SCAPER: variants seen among roughly 807,000 people sequenced by gnomAD.
SCAPER encodes S phase cyclin A-associated protein in the endoplasmic reticulum.
Under a neutral mutation model 182.2 loss-of-function variants are expected in SCAPER, and 98 were observed. The ratio of observed to expected loss-of-function variants is 0.54; its 90% CI spans 0.46 to 0.64. The LOEUF (loss-of-function observed/expected upper bound fraction) is 0.64, where lower values mean the gene tolerates loss of function less well. SCAPER is among the 30% of genes least tolerant of loss of function. The pLI, the probability that SCAPER is intolerant of heterozygous loss-of-function variation, is 0.00. For missense variants in SCAPER, 1,432 were observed against 1,690.0 expected (o/e 0.85, Z 2.68); for synonymous variants, 605 against 564.6 (o/e 1.07, Z -1.01).
At chr15:76,867,759 C>A (rs1056495811) in intron 2 of SCAPER, among the ~76,000 whole-genome samples, 1 of 152,166 alleles carries the variant, frequency 6.6e-6, no homozygotes, top group African/African-American at 2.4e-5. Context: ...ACTGTATCAG[C>A]CTCCATGACA....
At chr15:76,824,413 T>A (rs1178220133) in intron 5 of SCAPER, among the ~76,000 whole-genome samples, 2 of 152,084 alleles carry the variant, frequency 1.3e-5, no homozygotes, top group African/African-American at 2.4e-5. Context: ...GCCCACGACA[T>A]CAATACAGCC....
chr15:76,864,544 T>G (rs985384978), intron 2 of SCAPER, among the ~76,000 whole-genome samples: 1 of 152,184 alleles, frequency 6.6e-6, no homozygotes, highest in Non-Finnish European at 1.5e-5. Context: ...ATTTTTACTC[T>G]TTTGGGGAAT....
intron 1 of SCAPER, among the ~76,000 whole-genome samples, chr15:76,902,673 C>T (rs2074852339): frequency 6.6e-6 from 1 of 152,138 alleles, no homozygotes; most frequent in African/African-American, 2.4e-5. Context: ...AAATAATACC[C>T]CCACTTTCTA....
At chr15:76,711,446 G>C (rs554356274) in intron 17 of SCAPER, among the ~76,000 whole-genome samples, 12 of 152,228 alleles carry the variant, frequency 7.9e-5, no homozygotes, top group African/African-American at 2.9e-4. Flanking sequence ...CCAGTCATTA[G>C]AGAAATGAAA....
At position 76,701,798 on chromosome 15, in the gene SCAPER, T is replaced by C. The variant is rs771853849; in HGVS notation, c.2468A>G (p.Asn823Ser). ...GRKHQQAVRE[N>S]TSIQGRELSD... ...CAGTTCACGCCCCTGGATGCTGGTA[T>C]TCTCTCTCACGGCTTGCTGGTGTTT... is the stretch of plus-strand genomic sequence containing the variant. The change falls in exon 20 of 32, where the codon AAT (asparagine) becomes AGT (serine). Residue 823 changes from asparagine to serine, a missense_variant. By Grantham distance (46) the Asn-to-Ser change is conservative. This residue lies in a region of SCAPER where 718 missense variants were observed against 799.7 expected (regional missense o/e 0.90). Transcript: ENST00000563290. 1.2e-6 allele frequency: 2 copies of C among 1,613,896 alleles called. No individual in the cohort carries two copies. The highest frequency in any genetic ancestry group is 3.3e-5 in the Admixed American group (2 of 60,022).
intron 23 of SCAPER, among the ~76,000 whole-genome samples, chr15:76,562,053 C>T (rs971160869): frequency 4.9e-5 from 7 of 141,742 alleles, no homozygotes; most frequent in Admixed American, 7.9e-5. Context: ...GAGGCTGAGG[C>T]GGAAGAATCG....
intron 3 of SCAPER, among the ~76,000 whole-genome samples, chr15:76,860,469 C>G (rs1302300379): frequency 6.6e-6 from 1 of 152,066 alleles, no homozygotes; most frequent in Non-Finnish European, 1.5e-5. Context: ...CAGGGGAAGA[C>G]AGGTCCAAGC....
At chr15:76,790,960 C>A (rs910798100) in intron 8 of SCAPER, among the ~76,000 whole-genome samples, 4 of 152,176 alleles carry the variant, frequency 2.6e-5, no homozygotes, top group African/African-American at 9.7e-5. Context: ...CAAAGCCTAG[C>A]TTTACCTTAA....
intron 21 of SCAPER, among the ~76,000 whole-genome samples, chr15:76,640,313 A>G (rs1050630928): frequency 6.6e-6 from 1 of 152,234 alleles, no homozygotes; most frequent in African/African-American, 2.4e-5. Flanking sequence ...TACAAATGCA[A>G]TGTGACTGGA....
At chr15:76,874,017 C>A (rs1423718215) in intron 2 of SCAPER, among the ~76,000 whole-genome samples, 2 of 152,024 alleles carry the variant, frequency 1.3e-5, no homozygotes, top group Non-Finnish European at 2.9e-5. Flanking sequence ...TTCAGCCTCC[C>A]AAGTAGCTGG....
chr15:76,399,174 G>T (rs1267069995), intron 27 of SCAPER, among the ~76,000 whole-genome samples: 2 of 152,124 alleles, frequency 1.3e-5, no homozygotes, highest in Non-Finnish European at 2.9e-5. Context: ...GTCTCACACT[G>T]TTACCCAGGC....
chr15:76,637,088 C>T (rs978971724), intron 21 of SCAPER, among the ~76,000 whole-genome samples: 7 of 151,868 alleles, frequency 4.6e-5, no homozygotes, highest in African/African-American at 1.7e-4. Context: ...ATGCAGCCAC[C>T]ACCACCACCA....
chr15:76,481,061 C>T (rs2051095228), intron 24 of SCAPER, among the ~76,000 whole-genome samples: 4 of 152,164 alleles, frequency 2.6e-5, no homozygotes, highest in Admixed American at 2.6e-4. Flanking sequence ...CTGATTTGAT[C>T]ATGAACATTT....
intron 15 of SCAPER, among the ~76,000 whole-genome samples, chr15:76,748,614 G>T (rs2061933343): frequency 6.6e-6 from 1 of 150,752 alleles, no homozygotes; most frequent in South Asian, 2.1e-4. Context: ...TAAGGATCTA[G>T]TATCCAGAAC....
Position 76,600,397 on chromosome 15 carries a change from G to A in SCAPER, c.2711+21367C>T, listed in dbSNP as rs1380790758. Among the ~76,000 whole-genome samples the A allele has an allele frequency of 4.7e-5, 4 of 84,806 alleles. 1 individual carries two copies. The highest frequency in any genetic ancestry group is 2.7e-4 in the East Asian group (1 of 3,732). The allele number at this position is 84,806 out of a possible 152,430, so 55.6% of individuals were successfully genotyped here. A position where few individuals can be genotyped will look rare whatever the true frequency, so the allele number is the denominator to read the frequency against. On this transcript the variant is annotated intron_variant, in intron 22 of 31. Coordinates refer to ENST00000563290, the MANE Select transcript of SCAPER (RefSeq NM_020843.4). The stretch of plus-strand genomic sequence containing the variant: ...GGAAAGTGTGTGTATATGTGTGTGT[G>A]TGTGTGTGTGTGTGTGTGTGTGTGT...
chr15:76,826,370 C>T (rs1943308747), intron 5 of SCAPER, among the ~76,000 whole-genome samples: 1 of 131,730 alleles, frequency 7.6e-6, no homozygotes, highest in Admixed American at 9.2e-5. Context: ...AATGAGAACA[C>T]ATGGACACAG....
In SCAPER at chr15:76,504,842, T is replaced by A; in HGVS notation, c.2954+17A>T. The A allele has an allele frequency of 6.4e-7, 1 of 1,570,922 alleles. No homozygotes were observed. The highest frequency in any genetic ancestry group is 8.6e-7 in the Non-Finnish European group (1 of 1,158,566). ...CACAAATGAAACGTAAAAAATAGAT[T>A]AAGAAACTATACTTACTTAGGAGGA... On this transcript the variant is annotated intron_variant, in intron 24 of 31. Transcript: ENST00000563290.
chr15:76,558,515 C>T (rs1262302525), intron 23 of SCAPER, among the ~76,000 whole-genome samples: 1 of 152,092 alleles, frequency 6.6e-6, no homozygotes, highest in Non-Finnish European at 1.5e-5. Context: ...ATTAAAAAGT[C>T]AAAAATGAAC....
At chr15:76,804,686 T>C (rs2066025400) in intron 5 of SCAPER, 53 bp from the exon 6 acceptor site, 1 of 1,189,544 alleles carries the variant, frequency 8.4e-7, no homozygotes, top group Non-Finnish European at 1.2e-6. Context: ...ACTAAAAACT[T>C]TGAAGAAAAA....
Sources: allele counts gnomAD v4.1 joint callset (sites outside exome capture counted in the v4.1 genomes callset), GRCh38; gene constraint gnomAD v4.1.1; regional missense constraint gnomAD v4.1.1; transcripts MANE v1.5; gene names NCBI Gene and HGNC (gene_info 2026-07-23, HGNC 2026-07-21).